The following ZDHHC24 variants were observed in gnomAD, a reference collection of about 807,000 sequenced individuals.
ZDHHC24 encodes probable palmitoyltransferase ZDHHC24.
In ZDHHC24, 17 loss-of-function variants were observed where a neutral mutation model predicts 23.2. That is an observed-to-expected ratio of 0.73 (90% confidence interval 0.50 to 1.10). The LOEUF is 1.10. ZDHHC24 is among the 50% of genes least tolerant of loss of function. The probability of loss-of-function intolerance (pLI) is 0.00; values close to 1 mark genes in which losing one functional copy is unlikely to be tolerated. For synonymous variants in ZDHHC24, 186 were observed against 194.5 expected (o/e 0.96, Z 0.36); for missense variants, 366 against 393.0 (o/e 0.93, Z 0.58).
exon 5 of ZDHHC24, chr11:66,521,134 A>C (rs1856196240): frequency 1.4e-6 from 1 of 736,578 alleles, no homozygotes; most frequent in African/African-American, 1.7e-5. Context: ...CTCCTGAAAA[A>C]CTGTATGAGT....
chr11:66,539,861 G>A (rs754445338), intron 2 of ZDHHC24, 37 bp from the exon 3 acceptor site: 1 of 1,511,378 alleles, frequency 6.6e-7, no homozygotes, highest in Non-Finnish European at 8.9e-7. Context: ...GGGAGGGGCA[G>A]TGGGGTCCGG....
At chr11:66,529,358 C>T in exon 3 of ZDHHC24, 2 of 1,512,314 alleles carry the variant, frequency 1.3e-6, no homozygotes, top group Middle Eastern at 1.7e-4. Context: ...TTGATGGGAC[C>T]TCCCTGTGGA....
At chr11:66,540,710 A>G (rs1181948537) in intron 2 of ZDHHC24, among the ~76,000 whole-genome samples, 2 of 151,200 alleles carry the variant, frequency 1.3e-5, no homozygotes, top group Admixed American at 6.6e-5. Flanking sequence ...CCTGGGTGAC[A>G]GAGTGAGAAA....
rs1389335279 is a variant in ZDHHC24 at position 66,523,788 on chromosome 11, A to T, written c.*22-2322T>A. The T allele has an allele frequency of 2.5e-6, 4 of 1,613,522 alleles. No homozygotes were observed. The highest frequency in any genetic ancestry group is 3.4e-6 in the Non-Finnish European group (4 of 1,180,028). On this transcript the variant is annotated intron_variant, in intron 4 of 4. Coordinates refer to the ZDHHC24 transcript ENST00000526986. ...CTGACCATGAACCTCCTGGAGCAGCATTCCCGGGGCCTGCAGGCCGTCATG... is the reference window on the plus strand; with the variant it reads ...CTGACCATGAACCTCCTGGAGCAGCTTTCCCGGGGCCTGCAGGCCGTCATG...
At chr11:66,540,524 TC>T (rs1857121935) in intron 2 of ZDHHC24, among the ~76,000 whole-genome samples, 1 of 150,888 alleles carries the variant, frequency 6.6e-6, no homozygotes, top group Non-Finnish European at 1.5e-5. Flanking sequence ...GGTCAGGAGT[TC>T]CAGACCAGCC....
Position 66,546,020 on chromosome 11 carries a change from T to A in ZDHHC24, c.-17A>T, listed in dbSNP as rs1299526197. 3 of 1,378,220 alleles carry A rather than the reference T, an allele frequency of 2.2e-6. No homozygotes were observed. The highest frequency in any genetic ancestry group is 2.8e-6 in the Non-Finnish European group (3 of 1,075,132). 85.4% of individuals were successfully genotyped at this position (1,378,220 alleles called of 1,614,324 possible). On this transcript the variant is annotated 5_prime_UTR_variant, in exon 1 of 3. Transcript: ENST00000310442. ...CTGCCCCATGGCCTGGACACCCAGC[T>A]GTCGGAGCCGGAGGACTAGGCCGCT...
At chr11:66,533,558 G>A (rs948059159), downstream of ZDHHC24, 7 of 152,170 alleles carry the variant, frequency 4.6e-5, no homozygotes, top group Admixed American at 3.3e-4. Flanking sequence ...AGTTAACTGC[G>A]GAGCCAAGAG....
rs1487968960 is a variant in ZDHHC24, at chr11:66,536,703, C to G, written c.*2826G>C. On this transcript the variant is annotated 3_prime_UTR_variant, in exon 3 of 3. Transcript: ENST00000310442. ...CCTGACCAACATGGAGAAACCCCGT[C>G]TCTACTAAAAATACAAAAACAATTA... The G allele has an allele frequency of 6.6e-6, 1 of 151,764 alleles. No individual in the cohort carries two copies. Among genetic ancestry groups the G allele is most frequent in the African/African-American group, 2.4e-5 (1 of 41,306 alleles). The allele number at this position is 151,764 out of a possible 1,614,324, so 9.4% of individuals were successfully genotyped here.
rs1856541852 is a variant in ZDHHC24 at position 66,526,979 on chromosome 11, A to T, written c.764T>A (p.Leu255Ter). The stretch of plus-strand genomic sequence containing the variant: ...AGCCTAGGAGGTACACGTTGCCTGC[A>T]AATCACTGTTCCTCAGGCTGGAAGG... Residue 255 changes from leucine to a stop codon, truncating the protein, a stop_gained, in exon 4 of 5, where the codon TTG (leucine) becomes TAG (stop). Transcript: ENST00000526986. LOFTEE classifies it high-confidence loss of function. The T allele has an allele frequency of 6.5e-7, 1 of 1,545,444 alleles. No homozygotes were observed.
chr11:66,525,557 C>G (rs982110703), intron 4 of ZDHHC24, among the ~76,000 whole-genome samples: 2 of 152,024 alleles, frequency 1.3e-5, no homozygotes, highest in African/African-American at 2.4e-5. Context: ...AAGTGAGACT[C>G]CATCTCAAAA....
intron 2 of ZDHHC24, among the ~76,000 whole-genome samples, 186 bp downstream of exon 2, chr11:66,543,518 T>C (rs895255202): frequency 2.0e-5 from 3 of 152,216 alleles, no homozygotes; most frequent in Non-Finnish European, 4.4e-5. Context: ...AACGCTGCAC[T>C]TGTCTCAACA....
At chr11:66,531,483 G>C (rs995201911), downstream of ZDHHC24, among the ~76,000 whole-genome samples, 3 of 152,130 alleles carry the variant, frequency 2.0e-5, no homozygotes, top group African/African-American at 4.8e-5. Context: ...TCACCATGAG[G>C]CCCTGGGCCA....
chr11:66,523,781 G>C, intron 4 of ZDHHC24: 1 of 1,613,336 alleles, frequency 6.2e-7, no homozygotes, highest in Non-Finnish European at 8.5e-7. Flanking sequence ...GAACCTCCTG[G>C]AGCAGCATTC....
chr11:66,521,403 C>T (rs373370853), exon 5 of ZDHHC24: 13 of 1,576,844 alleles, frequency 8.2e-6, no homozygotes, highest in African/African-American at 2.7e-5. Context: ...TCTCCGGGGC[C>T]GGGAGGAACA....
chr11:66,521,904 CAAAAAAAAAAAAA>C (rs1183524219), intron 4 of ZDHHC24, among the ~76,000 whole-genome samples: 1 of 36,486 alleles, frequency 2.7e-5, no homozygotes, highest in African/African-American at 1.2e-4. Context: ...GACTCCGTCT[CAAAAAAAAAAAAA>C]AAAAAAAAAA....
downstream of ZDHHC24, chr11:66,530,987 TACA>T (rs863224782): frequency 8.1e-6 from 13 of 1,614,100 alleles, no homozygotes; most frequent in Admixed American, 1.7e-5. Context: ...CTGCTTCCTG[TACA>T]ACGAGGCGCT....
In ZDHHC24 at chr11:66,536,834, A is replaced by G. The variant is rs1284880716; in HGVS notation, c.*2695T>C. 2 of 151,966 alleles carry G rather than the reference A, an allele frequency of 1.3e-5. No homozygotes were observed. Among genetic ancestry groups the G allele is most frequent in the East Asian group, 3.8e-4 (2 of 5,196 alleles). The allele number at this position is 151,966 out of a possible 1,614,324, so 9.4% of individuals were successfully genotyped here. On this transcript the variant is annotated 3_prime_UTR_variant, in exon 3 of 3. Coordinates refer to ENST00000310442, the MANE Select transcript of ZDHHC24 (RefSeq NM_207340.3). The stretch of plus-strand genomic sequence containing the variant: ...GGTTTCGGTGAACCAAGATCGCATC[A>G]TTGCACTCCAGCCTGGGTAACAAGA...
At chr11:66,531,800 G>T, downstream of ZDHHC24, 1 of 1,613,772 alleles carries the variant, frequency 6.2e-7, no homozygotes, top group Non-Finnish European at 8.5e-7. Flanking sequence ...AGGACAGTAA[G>T]GGTGAGTGCC....
chr11:66,526,152 G>A (rs959671412), intron 4 of ZDHHC24: 1 of 1,614,086 alleles, frequency 6.2e-7, no homozygotes, highest in African/African-American at 1.3e-5. Context: ...GCTTTGGCCG[G>A]TACGGGCGGG....
Sources: gnomAD v4.1 joint callset for allele counts (sites outside exome capture counted in the v4.1 genomes callset) on GRCh38, gnomAD v4.1.1 for gene constraint, MANE v1.5 for transcripts, NCBI Gene and HGNC (gene_info 2026-07-23, HGNC 2026-07-21) for gene names.